Variants in ADAM23 observed in about 807,000 individuals in gnomAD.
The protein encoded by ADAM23 is ADAM metallopeptidase domain 23.
A neutral mutation model predicts 120.1 loss-of-function variants in ADAM23; 33 were observed. The observed-to-expected ratio is 0.27, with a 90% CI of 0.21 to 0.37. The LOEUF is 0.37. ADAM23 is among the 10% of genes least tolerant of loss of function. The probability of loss-of-function intolerance (pLI) is 1.00; values close to 1 mark genes in which losing one functional copy is unlikely to be tolerated. For synonymous variants in ADAM23, 367 were observed against 375.2 expected (o/e 0.98, Z 0.25); for missense variants, 862 against 1,058.2 (o/e 0.81, Z 2.57).
chr2:206,455,226 C>T (rs772016648), intron 2 of ADAM23, among the ~76,000 whole-genome samples: 9 of 152,214 alleles, frequency 5.9e-5, no homozygotes, highest in Non-Finnish European at 2.9e-5. Context: ...CCCAATACCA[C>T]GTGGAAGCCA....
At chr2:206,474,817 C>T (rs543824863) in intron 2 of ADAM23, among the ~76,000 whole-genome samples, 1 of 152,302 alleles carries the variant, frequency 6.6e-6, no homozygotes, top group Admixed American at 6.5e-5. Context: ...TCAAGCGATC[C>T]TCCTGCCTTA....
At chr2:206,498,187 T>C (rs1208492428) in intron 3 of ADAM23, among the ~76,000 whole-genome samples, 5 of 152,208 alleles carry the variant, frequency 3.3e-5, no homozygotes, top group Non-Finnish European at 5.9e-5. Flanking sequence ...GAGCCCGCAT[T>C]GCCAAGTCAA....
chr2:206,490,050 G>A (rs773903486), intron 3 of ADAM23, among the ~76,000 whole-genome samples: 1 of 152,150 alleles, frequency 6.6e-6, no homozygotes, highest in African/African-American at 2.4e-5. Flanking sequence ...CTTTAAAAAG[G>A]TAATTAAGTT....
chr2:206,444,167 G>A, intron 1 of ADAM23, 87 bp downstream of exon 1: 2 of 1,090,380 alleles, frequency 1.8e-6, no homozygotes, highest in Middle Eastern at 3.3e-4. Flanking sequence ...GTGTGCTCCG[G>A]GCTTGTCCCC....
At position 206,560,041 on chromosome 2, in the gene ADAM23, C is replaced by T. The variant is rs1697729862; in HGVS notation, c.1092C>T (p.Asn364=). ...TEKDQIDITT[N]PVQMLHEFSK... Reference sequence around the variant, plus strand: ...AGGATCAGATTGACATCACCACCAACCCTGTGCAGATGCTCCATGAGTTCT... The same window carrying T: ...AGGATCAGATTGACATCACCACCAATCCTGTGCAGATGCTCCATGAGTTCT... The change falls in exon 11 of 26, where the codon AAC becomes AAT. Residue 364 remains asparagine, a synonymous_variant. Coordinates refer to ENST00000264377, the MANE Select transcript of ADAM23 (RefSeq NM_003812.4). 1 of 1,614,164 alleles carries T rather than the reference C, an allele frequency of 6.2e-7. No homozygotes were observed. Among genetic ancestry groups the T allele is most frequent in the Non-Finnish European group, 8.5e-7 (1 of 1,180,004 alleles).
At chr2:206,587,827 T>G (rs929417211) in intron 19 of ADAM23, among the ~76,000 whole-genome samples, 22 of 152,210 alleles carry the variant, frequency 1.4e-4, no homozygotes, top group African/African-American at 5.3e-4. Flanking sequence ...CTCACAGAAA[T>G]GTACCAATTT....
intron 3 of ADAM23, among the ~76,000 whole-genome samples, chr2:206,504,659 C>T (rs1378053164): frequency 6.6e-6 from 1 of 152,192 alleles, no homozygotes. Context: ...TAATTTGACA[C>T]ATACTTTGTA....
chr2:206,500,670 C>T (rs1696368892), intron 3 of ADAM23, among the ~76,000 whole-genome samples: 1 of 152,132 alleles, frequency 6.6e-6, no homozygotes, highest in East Asian at 1.9e-4. Flanking sequence ...CAAGGGACCT[C>T]CAGGAACCTG....
At chr2:206,456,968 T>C (rs1402188831) in intron 2 of ADAM23, among the ~76,000 whole-genome samples, 1 of 152,214 alleles carries the variant, frequency 6.6e-6, no homozygotes, top group Non-Finnish European at 1.5e-5. Context: ...TGCTTTGTGC[T>C]GTCTTTTAAT....
chr2:206,614,441 G>C (rs945597097), intron 25 of ADAM23, among the ~76,000 whole-genome samples: 1 of 151,120 alleles, frequency 6.6e-6, no homozygotes, highest in Non-Finnish European at 1.5e-5. Flanking sequence ...GATCGCCTGA[G>C]GACAGGAGTT....
intron 24 of ADAM23, among the ~76,000 whole-genome samples, chr2:206,599,680 G>C (rs1307552376): frequency 6.6e-6 from 1 of 152,180 alleles, no homozygotes. Context: ...TTAAAAGATA[G>C]CGTATGCTTG....
At chr2:206,517,395 CT>C (rs1417419675) in intron 3 of ADAM23, among the ~76,000 whole-genome samples, 1 of 152,154 alleles carries the variant, frequency 6.6e-6, no homozygotes, top group African/African-American at 2.4e-5. Context: ...CTGTGGATTC[CT>C]GTCTTGAGTA....
intron 7 of ADAM23, 111 bp downstream of exon 7, chr2:206,547,612 GGTGAACATC>G (rs1697426426): frequency 1.2e-6 from 1 of 858,772 alleles, no homozygotes; most frequent in Admixed American, 2.5e-5. Flanking sequence ...TGATATCAGG[GGTGAACATC>G]GTGGATCAGC....
intron 2 of ADAM23, among the ~76,000 whole-genome samples, chr2:206,449,884 T>C (rs1467527247): frequency 6.6e-6 from 1 of 152,222 alleles, no homozygotes; most frequent in East Asian, 1.9e-4. Flanking sequence ...GCACCGGACC[T>C]TGGGGAAAGC....
intron 5 of ADAM23, among the ~76,000 whole-genome samples, chr2:206,542,535 G>T (rs1171989865): frequency 6.6e-6 from 1 of 152,098 alleles, no homozygotes; most frequent in Non-Finnish European, 1.5e-5. Flanking sequence ...AGTTAGCCAG[G>T]CAAGGGTGGG....
At position 206,497,281 on chromosome 2, in the gene ADAM23, A is replaced by G. The variant is rs28762715; in HGVS notation, c.509+15973A>G. On this transcript the variant is annotated intron_variant, in intron 3 of 25. Coordinates refer to ENST00000264377, the MANE Select transcript of ADAM23 (RefSeq NM_003812.4). ...AAATACTGGCAAACCGAATCCAGCA[A>G]CACATCAAAAAGCTTATCCACCATG... is the stretch of plus-strand genomic sequence containing the variant. 3.8e-3 allele frequency among the ~76,000 whole-genome samples: 580 copies of G among 152,252 alleles called. 3 individuals are homozygous for G. The highest frequency in any genetic ancestry group is 0.013 in the African/African-American group (554 of 41,548).
intron 3 of ADAM23, among the ~76,000 whole-genome samples, chr2:206,500,755 A>G (rs1373372998): frequency 6.6e-6 from 1 of 152,078 alleles, no homozygotes. Flanking sequence ...TCGCTGGGAG[A>G]TACTTTCCTG....
chr2:206,617,481 C>A, intron 25 of ADAM23, 98 bp from the exon 26 acceptor site: 2 of 1,341,796 alleles, frequency 1.5e-6, no homozygotes, highest in Non-Finnish European at 2.0e-6. Flanking sequence ...CTGGAACTAG[C>A]ATTATTGTCA....
intron 4 of ADAM23, among the ~76,000 whole-genome samples, chr2:206,536,757 G>A (rs1243097729): frequency 6.6e-6 from 1 of 152,026 alleles, no homozygotes; most frequent in African/African-American, 2.4e-5. Context: ...TCAGGCTGGA[G>A]TGCAGTGGTG....
Sources: allele counts gnomAD v4.1 joint callset (sites outside exome capture counted in the v4.1 genomes callset), GRCh38; gene constraint gnomAD v4.1.1; transcripts MANE v1.5; gene names NCBI Gene and HGNC (gene_info 2026-07-23, HGNC 2026-07-21).